Variants in CENPE observed in about 807,000 individuals in gnomAD.
The protein encoded by CENPE is centromere protein E.
A neutral mutation model predicts 336.1 loss-of-function variants in CENPE; 145 were observed. That is an observed-to-expected ratio of 0.43 (90% CI 0.38 to 0.50). The LOEUF (loss-of-function observed/expected upper bound fraction) is 0.50. Among genes scored for constraint, CENPE ranks in the 20% least tolerant of loss-of-function variants. CENPE has a pLI of 0.00. For missense variants in CENPE, 2,719 were observed against 3,023.3 expected, an observed-to-expected ratio of 0.90 and a Z score of 2.36; for synonymous variants, 1,013 against 984.8, an observed-to-expected ratio of 1.03 and a Z score of -0.54.
chr4:103,127,736 A>G (rs544097137), intron 42 of CENPE, among the ~76,000 whole-genome samples: 16 of 152,294 alleles, frequency 1.1e-4, no homozygotes, highest in African/African-American at 3.8e-4. Flanking sequence ...GTAAATGGAT[A>G]TATTGCAAAC....
chr4:103,165,576 C>T (rs886652853), intron 16 of CENPE, among the ~76,000 whole-genome samples: 1 of 152,158 alleles, frequency 6.6e-6, no homozygotes, highest in South Asian at 2.1e-4. Context: ...TATTTTGCTA[C>T]ATACACATAG....
At chr4:103,178,973 T>G (rs1030531448) in intron 13 of CENPE, among the ~76,000 whole-genome samples, 2 of 152,156 alleles carry the variant, frequency 1.3e-5, no homozygotes, top group Non-Finnish European at 2.9e-5. Context: ...ATTCACACAT[T>G]TGCATTTTCA....
At chr4:103,193,949 T>C (rs761439751) in intron 8 of CENPE, among the ~76,000 whole-genome samples, 1 of 151,932 alleles carries the variant, frequency 6.6e-6, no homozygotes, top group Non-Finnish European at 1.5e-5. Flanking sequence ...TCTACTGCAT[T>C]AGTGGTTAGA....
intron 41 of CENPE, 71 bp from the exon 42 acceptor site, chr4:103,132,967 T>TA (rs371714169): frequency 1.1e-5 from 2 of 184,596 alleles, no homozygotes; most frequent in African/African-American, 5.7e-5. Context: ...TATTTATATA[T>TA]ATATATATAT....
chr4:103,144,416 T>C lies in CENPE; in HGVS notation c.5060A>G (p.Glu1687Gly), dbSNP rs1380216810. 1 of 1,614,082 alleles carries C rather than the reference T, an allele frequency of 6.2e-7. No homozygotes were observed. Residue 1687 changes from glutamate (E) to glycine (G), a missense_variant, in exon 33 of 49, where the codon GAA becomes GGA. Around this residue, in one of 5 missense-constraint regions of CENPE, gnomAD observed 2,437 missense variants for 2,513.3 expected, o/e 0.97. Transcript: ENST00000265148. Reference sequence around the variant, plus strand: ...CTCCACACTCCTAAGGTCATCTCTTTCTTTTGTTACAGATCTCATTTCTTC... The same window carrying C: ...CTCCACACTCCTAAGGTCATCTCTTCCTTTTGTTACAGATCTCATTTCTTC... ...NLEEMRSVTK[E>G]RDDLRSVEET...
rs1423416352 is a variant in CENPE, at chr4:103,153,079, A to G, written c.3205T>C (p.Leu1069=). 1 of 1,612,972 alleles carries G rather than the reference A, an allele frequency of 6.2e-7. No homozygotes were observed. The highest frequency in any genetic ancestry group is 8.5e-7 in the Non-Finnish European group (1 of 1,179,506). ...LESVIAEKEQ[L]KTDLKENIEM... ...ATATTTTCCTTTAGGTCAGTCTTCA[A>G]TTGTTCCTTTTCTGCTATAACACTC... The change falls in exon 25 of 49, where the codon TTG becomes CTG. Residue 1069 remains leucine (L), a synonymous_variant. Transcript: ENST00000265148.
Position 103,112,738 on chromosome 4 carries a change from TTATAAGTA to T in CENPE, c.7540+1709_7540+1716del, listed in dbSNP as rs1322495333. Among the ~76,000 whole-genome samples the T allele has an allele frequency of 2.0e-4, 23 of 115,370 alleles. No individual in the cohort carries two copies. In the East Asian group the frequency reaches 5.4e-3, roughly 27 times the overall value. 75.7% of individuals were successfully genotyped at this position (115,370 alleles called of 152,430 possible). On this transcript the variant is annotated intron_variant, in intron 46 of 48. Transcript: ENST00000265148. The stretch of plus-strand genomic sequence containing the variant: ...TAAGTATATAAGTGTATATATATAC[TTATAAGTA>T]TATAAGTGTATATATATACTTATAA...
intron 24 of CENPE, among the ~76,000 whole-genome samples, chr4:103,154,536 A>G (rs1753815093): frequency 6.6e-6 from 1 of 152,172 alleles, no homozygotes; most frequent in Non-Finnish European, 1.5e-5. Context: ...AGAGCTAACT[A>G]CATGAGAAAT....
chr4:103,136,480 A>G (rs1209536107), intron 39 of CENPE, 121 bp from the exon 40 acceptor site: 1 of 617,906 alleles, frequency 1.6e-6, no homozygotes, highest in African/African-American at 1.9e-5. Context: ...AGAGAAATAA[A>G]GACCTTTGTG....
intron 8 of CENPE, among the ~76,000 whole-genome samples, chr4:103,192,735 G>A (rs1242407056): frequency 1.3e-5 from 2 of 152,114 alleles, no homozygotes; most frequent in South Asian, 2.1e-4. Flanking sequence ...AAATAGTTTC[G>A]TTTTAGACAT....
At chr4:103,115,185 G>A (rs1433188015) in intron 45 of CENPE, among the ~76,000 whole-genome samples, 2 of 151,214 alleles carry the variant, frequency 1.3e-5, no homozygotes, top group African/African-American at 2.4e-5. Flanking sequence ...CCAGGCTGGA[G>A]TGCAATGGCG....
At chr4:103,134,900 T>C (rs567282918) in intron 40 of CENPE, among the ~76,000 whole-genome samples, 2 of 152,342 alleles carry the variant, frequency 1.3e-5, no homozygotes, top group South Asian at 4.1e-4. Context: ...CAGTTGAAAC[T>C]GTTCTCTGAC....
chr4:103,161,748 G>A (rs917209823), intron 18 of CENPE, among the ~76,000 whole-genome samples: 1 of 152,090 alleles, frequency 6.6e-6, no homozygotes, highest in Non-Finnish European at 1.5e-5. Flanking sequence ...CAAGGCTGAT[G>A]AAGTTTTCTA....
chr4:103,178,915 G>T (rs1318498620), intron 13 of CENPE, among the ~76,000 whole-genome samples: 1 of 152,140 alleles, frequency 6.6e-6, no homozygotes, highest in African/African-American at 2.4e-5. Context: ...TGGATCTGTA[G>T]TAGTTAATGC....
chr4:103,139,900 A>T lies in CENPE; in HGVS notation c.6093T>A (p.Leu2031=). Reference sequence around the variant, plus strand: ...CTTTAGCTACAATTCTTATTTCTTCAAGGCTTTCATGAAGTTTCTTAGTCA... The same window carrying T: ...CTTTAGCTACAATTCTTATTTCTTCTAGGCTTTCATGAAGTTTCTTAGTCA... ...FQLTKKLHES[L]EEIRIVAKER... The change falls in exon 38 of 49, where the codon CTT becomes CTA. Residue 2031 remains leucine, a synonymous_variant. Coordinates refer to ENST00000265148, the MANE Select transcript of CENPE (RefSeq NM_001813.3). 1 of 1,613,360 alleles carries T rather than the reference A, an allele frequency of 6.2e-7. No individual in the cohort carries two copies. The highest frequency in any genetic ancestry group is 8.5e-7 in the Non-Finnish European group (1 of 1,179,636).
At position 103,141,849 on chromosome 4, in the gene CENPE, T is replaced by C; in HGVS notation, c.5364A>G (p.Glu1788=). 1 of 1,602,154 alleles carries C rather than the reference T, an allele frequency of 6.2e-7. No homozygotes were observed. The highest frequency in any genetic ancestry group is 1.1e-5 in the South Asian group (1 of 89,858). Residue 1788 remains glutamate (E), a synonymous_variant, in exon 35 of 49, where the codon GAA becomes GAG. Coordinates refer to ENST00000265148, the MANE Select transcript of CENPE (RefSeq NM_001813.3). The stretch of plus-strand genomic sequence containing the variant: ...CAATTCCTCTGAGTTTGTCAATAGT[T>C]TCCTGCTGCTCTTTCAGATGCATGT... The part of the protein sequence containing the change: ...IAHMHLKEQQ[E]TIDKLRGIVS...
intron 35 of CENPE, 50 bp from the exon 36 acceptor site, chr4:103,141,154 AAAT>A: frequency 9.4e-7 from 1 of 1,068,310 alleles, no homozygotes; most frequent in Non-Finnish European, 1.3e-6. Context: ...AGGGACAGAT[AAAT>A]AATAGTTTCT....
At chr4:103,160,393 A>T (rs1754339315) in intron 21 of CENPE, among the ~76,000 whole-genome samples, 1 of 151,976 alleles carries the variant, frequency 6.6e-6, no homozygotes, top group South Asian at 2.1e-4. Flanking sequence ...CATGGATTAT[A>T]TTACTAAGTA....
intron 39 of CENPE, among the ~76,000 whole-genome samples, chr4:103,137,498 A>G (rs1320968149): frequency 1.3e-5 from 2 of 152,224 alleles, no homozygotes; most frequent in Non-Finnish European, 2.9e-5. Flanking sequence ...ATGTTAATCA[A>G]TCTGGAATGT....
Sources: allele counts gnomAD v4.1 joint callset (sites outside exome capture counted in the v4.1 genomes callset), GRCh38; gene constraint gnomAD v4.1.1; regional missense constraint gnomAD v4.1.1; transcripts MANE v1.5; gene names NCBI Gene and HGNC (gene_info 2026-07-23, HGNC 2026-07-21).